The following SERPINB7 variants were observed in gnomAD, a reference collection of about 807,000 sequenced individuals.
The protein encoded by SERPINB7 is serpin B7.
SERPINB7 carries 31 observed loss-of-function variants against 37.4 expected under a neutral mutation model. The observed-to-expected ratio is 0.83, with a 90% CI of 0.62 to 1.12. The LOEUF (loss-of-function observed/expected upper bound fraction) is 1.12. Ranked by LOEUF, SERPINB7 falls within the 50% of genes most tolerant of loss-of-function variation. The pLI, the probability that SERPINB7 is intolerant of heterozygous loss-of-function variation, is 0.00. For synonymous variants in SERPINB7, 163 were observed against 166.1 expected, an observed-to-expected ratio of 0.98 and a Z score of 0.14; for missense variants, 521 against 455.3, an observed-to-expected ratio of 1.14 and a Z score of -1.31.
chr18:63,755,499 G>A (rs530368586), intron 1 of SERPINB7, among the ~76,000 whole-genome samples: 31 of 152,230 alleles, frequency 2.0e-4, no homozygotes, highest in Middle Eastern at 6.8e-3. Flanking sequence ...TGAAGTTTGA[G>A]GTTTAGCTGA....
At chr18:63,794,550 C>T (rs1358357077) in intron 4 of SERPINB7, among the ~76,000 whole-genome samples, 2 of 151,868 alleles carry the variant, frequency 1.3e-5, no homozygotes, top group Admixed American at 6.6e-5. Context: ...ATTAGCCGGG[C>T]GCGGTGGCAG....
At chr18:63,773,222 A>G (rs1259578971), upstream of SERPINB7, among the ~76,000 whole-genome samples, 1 of 152,136 alleles carries the variant, frequency 6.6e-6, no homozygotes, top group South Asian at 2.1e-4. Context: ...TAGATAGATT[A>G]GAAAGGTTAG....
chr18:63,794,319 C>T (rs2049462537), intron 4 of SERPINB7, among the ~76,000 whole-genome samples: 1 of 151,914 alleles, frequency 6.6e-6, no homozygotes, highest in African/African-American at 2.4e-5. Flanking sequence ...CTGTCCCTCC[C>T]CACTGCTATC....
intron 2 of SERPINB7, among the ~76,000 whole-genome samples, chr18:63,789,321 T>C (rs1322166623): frequency 6.6e-6 from 1 of 152,212 alleles, no homozygotes; most frequent in Non-Finnish European, 1.5e-5. Flanking sequence ...TGGACAGTAA[T>C]GACTTTCATT....
intron 1 of SERPINB7, among the ~76,000 whole-genome samples, chr18:63,776,038 G>A (rs900905034): frequency 6.6e-6 from 1 of 152,048 alleles, no homozygotes; most frequent in African/African-American, 2.4e-5. Flanking sequence ...ACTGATGCCT[G>A]TGTATCCTTG....
At chr18:63,798,851 C>T in intron 6 of SERPINB7, 105 bp downstream of exon 6, 2 of 1,221,170 alleles carry the variant, frequency 1.6e-6, no homozygotes, top group East Asian at 2.5e-5. Flanking sequence ...GTTTTAAACC[C>T]ATTTCTTCTT....
In SERPINB7 at chr18:63,792,429, T is replaced by C. The variant is rs545808881; in HGVS notation, c.205T>C (p.Ser69Pro). ...TAACACTGCCTCAGGATATGGAAAC[T>C]CTTCTAATAGTCAGGTAAAGACAAT... The part of the protein sequence containing the change: ...HVNTASGYGN[S>P]SNSQSGLQSQ... Residue 69 changes from serine to proline, a missense_variant, in exon 3 of 8, where the codon TCT (serine) becomes CCT (proline). Physicochemically the swap from Ser to Pro is moderately conservative, Grantham distance 74. Transcript: ENST00000398019. 34 of 1,600,554 alleles carry C rather than the reference T, an allele frequency of 2.1e-5. No homozygotes were observed. In the Admixed American group the frequency reaches 3.3e-4, roughly 16 times the overall value.
At chr18:63,786,627 A>G (rs1371363989) in intron 2 of SERPINB7, among the ~76,000 whole-genome samples, 1 of 151,878 alleles carries the variant, frequency 6.6e-6, no homozygotes, top group Non-Finnish European at 1.5e-5. Context: ...TTTTTTTTTA[A>G]AAAAAATCCT....
chr18:63,763,554 A>T (rs2049165465), intron 1 of SERPINB7, among the ~76,000 whole-genome samples: 1 of 152,224 alleles, frequency 6.6e-6, no homozygotes, highest in African/African-American at 2.4e-5. Flanking sequence ...TAAATTTGGT[A>T]GTGGTCAAAT....
chr18:63,805,171 T>C lies in SERPINB7; in HGVS notation c.*536T>C, dbSNP rs2049594727. 1 of 152,540 alleles carries C rather than the reference T, an allele frequency of 6.6e-6. No individual in the cohort carries two copies. Among genetic ancestry groups the C allele is most frequent in the Non-Finnish European group, 1.5e-5 (1 of 68,318 alleles). 9.4% of individuals were successfully genotyped at this position (152,540 alleles called of 1,614,324 possible). On this transcript the variant is annotated 3_prime_UTR_variant, in exon 8 of 8. Transcript: ENST00000398019. ...ATGGTAAAAAATGTGAAATTGGGATTAGGGACCAACCAAAATATTTCATTA... is the reference window on the plus strand; with the variant it reads ...ATGGTAAAAAATGTGAAATTGGGATCAGGGACCAACCAAAATATTTCATTA...
At position 63,792,400 on chromosome 18, in the gene SERPINB7, A is replaced by C; in HGVS notation, c.176A>C (p.His59Pro). The change falls in exon 3 of 8, where the codon CAT (histidine) becomes CCT (proline). Residue 59 changes from histidine (H) to proline (P), a missense_variant. Transcript: ENST00000398019. ...CTTGTGCCCTGTTTACAGTTGCTTC[A>C]TGTTAACACTGCCTCAGGATATGGA... ...DSLSQIDKLL[H>P]VNTASGYGNS... is the part of the protein sequence containing the mutation. 6.2e-7 allele frequency: 1 copy of C among 1,601,892 alleles called. No individual in the cohort carries two copies. Among genetic ancestry groups the C allele is most frequent in the Non-Finnish European group, 8.6e-7 (1 of 1,168,982 alleles).
chr18:63,803,775 T>A (rs2049574952), intron 7 of SERPINB7, among the ~76,000 whole-genome samples: 1 of 152,204 alleles, frequency 6.6e-6, no homozygotes, highest in Admixed American at 6.5e-5. Flanking sequence ...CTGGCCTCCT[T>A]GCCTCAGGCC....
chr18:63,762,123 G>A (rs2049157655), intron 1 of SERPINB7, among the ~76,000 whole-genome samples: 1 of 152,182 alleles, frequency 6.6e-6, no homozygotes. Context: ...ACCATGGAGG[G>A]CAAGAACTGG....
At chr18:63,771,710 A>T (rs1044829246), upstream of SERPINB7, among the ~76,000 whole-genome samples, 1 of 152,086 alleles carries the variant, frequency 6.6e-6, no homozygotes, top group Non-Finnish European at 1.5e-5. Flanking sequence ...TTTGTTTTTG[A>T]TAAGGTTATA....
chr18:63,764,862 A>C (rs2049172467), intron 1 of SERPINB7, among the ~76,000 whole-genome samples: 1 of 152,188 alleles, frequency 6.6e-6, no homozygotes, highest in Non-Finnish European at 1.5e-5. Context: ...CAAGAAAATA[A>C]AACAAAATCA....
intron 1 of SERPINB7, among the ~76,000 whole-genome samples, chr18:63,755,940 T>C (rs17708065): frequency 0.033 from 5,003 of 152,190 alleles, 128 homozygotes; most frequent in African/African-American, 0.067. Context: ...TGAATCATTT[T>C]GTGAATAAAA....
At chr18:63,778,757 G>A (rs577954984) in intron 1 of SERPINB7, among the ~76,000 whole-genome samples, 24 of 152,132 alleles carry the variant, frequency 1.6e-4, no homozygotes, top group Admixed American at 2.6e-4. Context: ...AAGGATGAAA[G>A]GGATAAAAAA....
intron 2 of SERPINB7, among the ~76,000 whole-genome samples, chr18:63,791,629 G>A (rs1167742282): frequency 6.7e-6 from 1 of 148,924 alleles, no homozygotes; most frequent in Non-Finnish European, 1.5e-5. Flanking sequence ...ATTTTTTTTT[G>A]AGATGGCGTC....
At chr18:63,787,475 A>G (rs938320265) in intron 2 of SERPINB7, among the ~76,000 whole-genome samples, 6 of 152,196 alleles carry the variant, frequency 3.9e-5, no homozygotes, top group African/African-American at 1.4e-4. Flanking sequence ...ACTTTATTCA[A>G]AAAGTTAAGG....
Sources: gnomAD v4.1 joint callset for allele counts (sites outside exome capture counted in the v4.1 genomes callset) on GRCh38, gnomAD v4.1.1 for gene constraint, MANE v1.5 for transcripts, NCBI Gene and HGNC (gene_info 2026-07-23, HGNC 2026-07-21) for gene names.